The following HPSE2 variants were observed in gnomAD, a reference collection of about 807,000 sequenced individuals.
HPSE2 encodes the protein inactive heparanase-2.
A neutral mutation model predicts 60.5 loss-of-function variants in HPSE2; 38 were observed. That is an observed-to-expected ratio of 0.63 (90% CI 0.48 to 0.82). HPSE2 has a LOEUF of 0.82. HPSE2 is among the 40% of genes least tolerant of loss of function. The probability of loss-of-function intolerance (pLI) is 0.00; values close to 1 mark genes in which losing one functional copy is unlikely to be tolerated. For synonymous variants in HPSE2, 295 were observed against 293.2 expected, an observed-to-expected ratio of 1.01 and a Z score of -0.06; for missense variants, 713 against 740.4, an observed-to-expected ratio of 0.96 and a Z score of 0.43.
chr10:99,220,328 A>C (rs138648595), intron 2 of HPSE2, among the ~76,000 whole-genome samples: 32 of 152,310 alleles, frequency 2.1e-4, no homozygotes, highest in African/African-American at 6.5e-4. Context: ...TCCTCTGCAT[A>C]TATTCTTTAC....
In HPSE2 at chr10:98,517,499, T is replaced by C. The variant is rs1042914144; in HGVS notation, c.1321-27303A>G. On this transcript the variant is annotated intron_variant, in intron 9 of 11. Transcript: ENST00000370552. ...CGTGGACACATGATGCTTGTTTATT[T>C]ACCTGGAGTGGAAGAAGGGAGAAAG... Among the ~76,000 whole-genome samples, 9 of 152,336 alleles carry C rather than the reference T, an allele frequency of 5.9e-5. No individual in the cohort carries two copies. The East Asian group carries it at 1.7e-3, about 29-fold the overall frequency.
intron 3 of HPSE2, among the ~76,000 whole-genome samples, chr10:98,896,859 G>A (rs1363161578): frequency 6.6e-6 from 1 of 152,152 alleles, no homozygotes; most frequent in Admixed American, 6.6e-5. Flanking sequence ...ATATGAAATG[G>A]ATCAATTCCT....
chr10:98,527,427 A>G (rs1943002426), intron 9 of HPSE2, among the ~76,000 whole-genome samples: 1 of 151,992 alleles, frequency 6.6e-6, no homozygotes, highest in South Asian at 2.1e-4. Context: ...TGCTACCTCT[A>G]GCTTTCCTCT....
intron 9 of HPSE2, among the ~76,000 whole-genome samples, chr10:98,554,141 G>A (rs1252129122): frequency 6.6e-6 from 1 of 152,018 alleles, no homozygotes; most frequent in Admixed American, 6.5e-5. Flanking sequence ...GCCCACCAAG[G>A]CTCAGACTCA....
chr10:99,009,071 T>G (rs1413647176), intron 3 of HPSE2, among the ~76,000 whole-genome samples: 1 of 151,910 alleles, frequency 6.6e-6, no homozygotes, highest in Non-Finnish European at 1.5e-5. Flanking sequence ...TTATGTAGTT[T>G]TTCAGTGCAA....
chr10:99,230,639 C>G (rs1389464494), intron 2 of HPSE2, among the ~76,000 whole-genome samples: 1 of 152,058 alleles, frequency 6.6e-6, no homozygotes, highest in Non-Finnish European at 1.5e-5. Flanking sequence ...AAATTGTAGC[C>G]TTCATTTTAA....
At chr10:98,555,612 T>G (rs934583880) in intron 9 of HPSE2, among the ~76,000 whole-genome samples, 1 of 152,256 alleles carries the variant, frequency 6.6e-6, no homozygotes, top group Non-Finnish European at 1.5e-5. Context: ...ATTCTATACT[T>G]AACTATTCTT....
At position 98,555,550 on chromosome 10, in the gene HPSE2, C is replaced by T. The variant is rs184489338; in HGVS notation, c.1320+59354G>A. Among the ~76,000 whole-genome samples, 203 of 152,326 alleles carry T rather than the reference C, an allele frequency of 1.3e-3. 1 individual carries two copies. Among genetic ancestry groups the T allele is most frequent in the Admixed American group, 4.2e-3 (64 of 15,306 alleles). ...TTGTCCATTAACACCTCTTGTCTTG[C>T]AGTTACAGTAAAGTCTTTGCTGCCC... On this transcript the variant is annotated intron_variant, in intron 9 of 11. Coordinates refer to ENST00000370552, the MANE Select transcript of HPSE2 (RefSeq NM_021828.5).
intron 4 of HPSE2, among the ~76,000 whole-genome samples, chr10:98,726,791 G>T (rs1465180575): frequency 1.3e-5 from 2 of 151,910 alleles, no homozygotes; most frequent in Non-Finnish European, 2.9e-5. Context: ...TAGAAGTGTG[G>T]ATAGTAGGAG....
chr10:98,721,122 T>C (rs1174086944), intron 5 of HPSE2, among the ~76,000 whole-genome samples: 1 of 152,120 alleles, frequency 6.6e-6, no homozygotes, highest in Non-Finnish European at 1.5e-5. Context: ...TTCCTTGCCT[T>C]GCGTGATTTT....
chr10:98,547,356 G>A (rs1273199672), intron 9 of HPSE2, among the ~76,000 whole-genome samples: 3 of 149,114 alleles, frequency 2.0e-5, no homozygotes, highest in East Asian at 2.0e-4. Flanking sequence ...ACATGCACAC[G>A]TATGTTTATG....
intron 7 of HPSE2, among the ~76,000 whole-genome samples, chr10:98,621,075 C>T (rs1431910315): frequency 6.6e-6 from 1 of 152,030 alleles, no homozygotes; most frequent in Non-Finnish European, 1.5e-5. Flanking sequence ...TTCAGTCTCT[C>T]TTATAGCACA....
At chr10:98,598,641 G>C (rs1045496936) in intron 9 of HPSE2, among the ~76,000 whole-genome samples, 17 of 152,110 alleles carry the variant, frequency 1.1e-4, no homozygotes, top group Non-Finnish European at 2.1e-4. Context: ...CAACTGACCT[G>C]GTGCTGGGAC....
chr10:98,567,403 A>C (rs923177766), intron 9 of HPSE2, among the ~76,000 whole-genome samples: 6 of 152,198 alleles, frequency 3.9e-5, no homozygotes, highest in Non-Finnish European at 7.3e-5. Context: ...TTTGGGGTGT[A>C]ATAATACCAT....
chr10:98,804,258 A>G (rs1412472849), intron 3 of HPSE2, among the ~76,000 whole-genome samples: 1 of 152,126 alleles, frequency 6.6e-6, no homozygotes, highest in Non-Finnish European at 1.5e-5. Flanking sequence ...AGCACAGGCA[A>G]CCAAAGCAAA....
intron 3 of HPSE2, among the ~76,000 whole-genome samples, chr10:99,043,218 C>T (rs1210722941): frequency 6.6e-6 from 1 of 152,190 alleles, no homozygotes; most frequent in African/African-American, 2.4e-5. Context: ...GGCATGGTGG[C>T]TCATGTCTGT....
intron 3 of HPSE2, among the ~76,000 whole-genome samples, chr10:98,848,614 T>C (rs1952089953): frequency 1.3e-5 from 2 of 152,118 alleles, no homozygotes; most frequent in African/African-American, 4.8e-5. Flanking sequence ...ACAAGAAACA[T>C]GTACTATTCC....
chr10:98,977,480 T>G (rs935945046), intron 3 of HPSE2, among the ~76,000 whole-genome samples: 2 of 152,174 alleles, frequency 1.3e-5, no homozygotes, highest in African/African-American at 2.4e-5. Flanking sequence ...TTGGCCCATA[T>G]GTCATTTCAA....
intron 6 of HPSE2, among the ~76,000 whole-genome samples, chr10:98,671,341 C>A (rs1345613451): frequency 6.6e-6 from 1 of 152,110 alleles, no homozygotes; most frequent in East Asian, 1.9e-4. Context: ...TCTTTATGTG[C>A]CTTCGGTACT....
Sources: allele counts gnomAD v4.1 joint callset (sites outside exome capture counted in the v4.1 genomes callset), GRCh38; gene constraint gnomAD v4.1.1; transcripts MANE v1.5; gene names NCBI Gene and HGNC (gene_info 2026-07-23, HGNC 2026-07-21).